The following RAB38 variants were observed in gnomAD, a reference collection of about 807,000 sequenced individuals.
The protein encoded by RAB38 is ras-related protein Rab-38.
A neutral mutation model predicts 18.4 loss-of-function variants in RAB38; 15 were observed. The ratio of observed to expected loss-of-function variants is 0.82; its 90% CI spans 0.55 to 1.26. The LOEUF (loss-of-function observed/expected upper bound fraction) is 1.26. Ranked by LOEUF, RAB38 falls within the 50% of genes most tolerant of loss-of-function variation. The pLI is 0.00. For synonymous variants in RAB38, 101 were observed against 104.4 expected, an observed-to-expected ratio of 0.97 and a Z score of 0.20; for missense variants, 294 against 267.4, an observed-to-expected ratio of 1.10 and a Z score of -0.69.
At chr11:87,977,692 T>C in the RAB38 span, among the ~76,000 whole-genome samples, 2 of 114,534 alleles carry the variant, frequency 1.7e-5, no homozygotes, top group Non-Finnish European at 3.3e-5. Context: ...TGTCATATAA[T>C]ATATAGGGAT....
At chr11:88,169,496 G>A (rs1176612379) in intron 1 of RAB38, among the ~76,000 whole-genome samples, 1 of 152,186 alleles carries the variant, frequency 6.6e-6, no homozygotes, top group African/African-American at 2.4e-5. Context: ...TGTTCAGCAG[G>A]AAGATGGAAT....
At chr11:87,827,655 A>T in the RAB38 span, among the ~76,000 whole-genome samples, 1 of 152,146 alleles carries the variant, frequency 6.6e-6, no homozygotes, top group African/African-American at 2.4e-5. Context: ...ATATAAACTG[A>T]CCTGTCTCAG....
the RAB38 span, among the ~76,000 whole-genome samples, chr11:87,972,290 AC>A: frequency 6.6e-6 from 1 of 152,074 alleles, no homozygotes; most frequent in East Asian, 1.9e-4. Flanking sequence ...CAATTTGAAC[AC>A]AAGAGTAACT....
the RAB38 span, among the ~76,000 whole-genome samples, chr11:87,833,604 C>T: frequency 6.6e-6 from 1 of 152,132 alleles, no homozygotes; most frequent in Non-Finnish European, 1.5e-5. Context: ...AATATAGTAA[C>T]TTATTTAATT....
chr11:88,040,757 C>A, the RAB38 span, among the ~76,000 whole-genome samples: 1 of 151,872 alleles, frequency 6.6e-6, no homozygotes, highest in Non-Finnish European at 1.5e-5. Flanking sequence ...AGCCTATCTC[C>A]AAATACAGTC....
At chr11:87,977,766 TATAGTTATATATTATATC>T in the RAB38 span, among the ~76,000 whole-genome samples, 6 of 112,256 alleles carry the variant, frequency 5.3e-5, no homozygotes, top group East Asian at 2.7e-4. Flanking sequence ...TATATTATAT[TATAGTTATATATTATATC>T]ATAGTTATAT....
the RAB38 span, among the ~76,000 whole-genome samples, chr11:88,078,055 A>G: frequency 2.6e-5 from 4 of 152,140 alleles, no homozygotes; most frequent in African/African-American, 4.8e-5. Context: ...CAAATAGTCA[A>G]CAGGTATATT....
chr11:87,928,381 A>G, the RAB38 span, among the ~76,000 whole-genome samples: 2 of 152,072 alleles, frequency 1.3e-5, no homozygotes, highest in African/African-American at 2.4e-5. Flanking sequence ...GAAAAAATGG[A>G]AAGTTCTTTT....
the RAB38 span, among the ~76,000 whole-genome samples, chr11:88,079,499 T>C: frequency 2.0e-5 from 3 of 151,784 alleles, no homozygotes; most frequent in Non-Finnish European, 3.0e-5. Flanking sequence ...TTAGTACCAA[T>C]TGTACACAAA....
the RAB38 span, among the ~76,000 whole-genome samples, chr11:87,954,018 C>T: frequency 6.6e-6 from 1 of 152,090 alleles, no homozygotes; most frequent in Non-Finnish European, 1.5e-5. Context: ...AGCAAAGACA[C>T]AGAGGTGGGA....
chr11:88,049,357 T>C, the RAB38 span, among the ~76,000 whole-genome samples: 1 of 152,108 alleles, frequency 6.6e-6, no homozygotes, highest in East Asian at 1.9e-4. Flanking sequence ...CCTAAACTGA[T>C]GACATTACCT....
At chr11:87,909,188 T>A in the RAB38 span, among the ~76,000 whole-genome samples, 54 of 152,162 alleles carry the variant, frequency 3.5e-4, no homozygotes, top group African/African-American at 1.2e-3. Context: ...AGATCCCTAT[T>A]GGGAAAATTT....
At chr11:87,929,316 G>C in the RAB38 span, among the ~76,000 whole-genome samples, 1 of 151,482 alleles carries the variant, frequency 6.6e-6, no homozygotes, top group Non-Finnish European at 1.5e-5. Flanking sequence ...TAACAGTTTA[G>C]CATGGGCATC....
At chr11:87,963,362 C>A in the RAB38 span, among the ~76,000 whole-genome samples, 1 of 152,068 alleles carries the variant, frequency 6.6e-6, no homozygotes, top group Non-Finnish European at 1.5e-5. Context: ...GTGAGTAAGG[C>A]ATAAATAATA....
At chr11:87,853,666 G>C in the RAB38 span, among the ~76,000 whole-genome samples, 5 of 152,168 alleles carry the variant, frequency 3.3e-5, no homozygotes, top group Non-Finnish European at 1.5e-5. Context: ...TGGAAGATTG[G>C]GCTAAAGAGA....
chr11:87,821,621 G>T, the RAB38 span, among the ~76,000 whole-genome samples: 1 of 151,940 alleles, frequency 6.6e-6, no homozygotes, highest in Non-Finnish European at 1.5e-5. Flanking sequence ...AGGCCGAGGC[G>T]GGTAGATCAC....
At chr11:87,975,633 G>A in the RAB38 span, among the ~76,000 whole-genome samples, 12 of 151,754 alleles carry the variant, frequency 7.9e-5, no homozygotes, top group Admixed American at 6.6e-4. Context: ...ATATGCAGAA[G>A]TAAAATACAT....
rs114319660 is a variant in RAB38, at chr11:88,127,630, G to C, written c.484-13490C>G. 7.4e-3 allele frequency among the ~76,000 whole-genome samples: 1,120 copies of C among 152,246 alleles called. 14 individuals carry two copies. The highest frequency in any genetic ancestry group is 0.026 in the African/African-American group (1,073 of 41,524). On this transcript the variant is annotated intron_variant, in intron 2 of 2. Coordinates refer to ENST00000243662, the MANE Select transcript of RAB38 (RefSeq NM_022337.3). ...ATTTTTATCTTTCTCTAATTTTCCT[G>C]AGACTAGCCCAAAATGAAATACATG...
downstream of RAB38, among the ~76,000 whole-genome samples, chr11:88,111,602 G>T (rs1401597647): frequency 6.6e-6 from 1 of 151,954 alleles, no homozygotes; most frequent in East Asian, 1.9e-4. Context: ...CCATCTTTTG[G>T]TCCTAGATGT....
Sources: allele counts gnomAD v4.1 joint callset (sites outside exome capture counted in the v4.1 genomes callset), GRCh38; gene constraint gnomAD v4.1.1; transcripts MANE v1.5; gene names NCBI Gene and HGNC (gene_info 2026-07-23, HGNC 2026-07-21).